COL24A1: variants seen among roughly 807,000 people sequenced by gnomAD.
COL24A1 encodes the protein collagen type XXIV alpha 1 chain.
In COL24A1, 224 loss-of-function variants were observed where a neutral mutation model predicts 253.9. The ratio of observed to expected loss-of-function variants is 0.88; its 90% CI spans 0.79 to 0.99. The LOEUF (loss-of-function observed/expected upper bound fraction) is 0.99, where lower values mean the gene tolerates loss of function less well. Among genes scored for constraint, COL24A1 ranks in the 50% least tolerant of loss-of-function variants. The pLI, the probability that COL24A1 is intolerant of heterozygous loss-of-function variation, is 0.00. For synonymous variants in COL24A1, 685 were observed against 673.7 expected, an observed-to-expected ratio of 1.02 and a Z score of -0.26; for missense variants, 2,131 against 2,068.5, an observed-to-expected ratio of 1.03 and a Z score of -0.59.
intron 12 of COL24A1, 116 bp from the exon 13 acceptor site, chr1:86,034,039 T>C (rs897886983): frequency 4.4e-6 from 3 of 681,824 alleles, no homozygotes; most frequent in African/African-American, 1.9e-5. Context: ...TAAACTGTAA[T>C]GCAACAAACA....
chr1:85,793,472 A>T (rs990527467), intron 47 of COL24A1, among the ~76,000 whole-genome samples: 1 of 151,940 alleles, frequency 6.6e-6, no homozygotes, highest in African/African-American at 2.4e-5. Flanking sequence ...AGAGAGAGAG[A>T]AGAGGAGGGA....
At chr1:85,985,638 G>T (rs952546559) in intron 20 of COL24A1, among the ~76,000 whole-genome samples, 1 of 151,748 alleles carries the variant, frequency 6.6e-6, no homozygotes, top group African/African-American at 2.4e-5. Context: ...AAAATAAAGG[G>T]TGCCTAACTA....
intron 18 of COL24A1, among the ~76,000 whole-genome samples, chr1:86,018,790 G>A (rs1364907344): frequency 6.6e-6 from 1 of 152,096 alleles, no homozygotes; most frequent in Non-Finnish European, 1.5e-5. Flanking sequence ...AAAATGGATA[G>A]GGCATAACAA....
At chr1:86,046,483 C>T (rs1450096442) in intron 12 of COL24A1, among the ~76,000 whole-genome samples, 1 of 152,148 alleles carries the variant, frequency 6.6e-6, no homozygotes, top group African/African-American at 2.4e-5. Flanking sequence ...TGAACCTCTA[C>T]AACATCTGGT....
intron 19 of COL24A1, among the ~76,000 whole-genome samples, chr1:86,014,714 T>C (rs180878585): frequency 1.2e-3 from 182 of 152,258 alleles, no homozygotes; most frequent in African/African-American, 4.1e-3. Flanking sequence ...CTCTTACAAT[T>C]GGAATGAACT....
intron 37 of COL24A1, 112 bp downstream of exon 37, chr1:85,868,407 C>T (rs1035126354): frequency 1.5e-6 from 1 of 656,306 alleles, no homozygotes; most frequent in Non-Finnish European, 2.6e-6. Flanking sequence ...TTCACATATA[C>T]AATTATCCAC....
intron 20 of COL24A1, among the ~76,000 whole-genome samples, chr1:85,978,202 A>T (rs1168717872): frequency 6.6e-6 from 1 of 152,194 alleles, no homozygotes; most frequent in Non-Finnish European, 1.5e-5. Context: ...CTACCAAGTC[A>T]GCACTACAAG....
chr1:86,054,844 A>C (rs1287237309), intron 10 of COL24A1, among the ~76,000 whole-genome samples: 1 of 152,186 alleles, frequency 6.6e-6, no homozygotes, highest in Non-Finnish European at 1.5e-5. Flanking sequence ...CTGCACTCAT[A>C]TGTTTATTGC....
Position 86,050,191 on chromosome 1 carries a change from A to AATAT in COL24A1, c.1852-15_1852-14insATAT. 6.2e-7 allele frequency: 1 copy of AATAT among 1,610,404 alleles called. No individual in the cohort carries two copies. The highest frequency in any genetic ancestry group is 8.5e-7 in the Non-Finnish European group (1 of 1,176,758). On this transcript the variant is annotated splice_polypyrimidine_tract_variant and intron_variant, in intron 10 of 59. Transcript: ENST00000370571. ...GCCAATAAAACCCTTAAAACAAGAA[A>AATAT]ATAGTCTGTATATTAGTTCATTTGA...
intron 47 of COL24A1, among the ~76,000 whole-genome samples, chr1:85,803,814 T>C (rs1410043053): frequency 2.6e-5 from 4 of 152,182 alleles, no homozygotes; most frequent in African/African-American, 9.6e-5. Context: ...ACTTCTTCTA[T>C]TCCAATCTAG....
At chr1:85,881,454 TA>T (rs1287784540) in intron 32 of COL24A1, among the ~76,000 whole-genome samples, 1 of 140,370 alleles carries the variant, frequency 7.1e-6, no homozygotes, top group Non-Finnish European at 1.6e-5. Context: ...CCATTTCTAC[TA>T]AAAATACAAA....
rs1665032073 is a variant in COL24A1 at position 85,744,789 on chromosome 1, T to G, written c.4549A>C (p.Ile1517Leu). 6.2e-7 allele frequency: 1 copy of G among 1,611,362 alleles called. No individual in the cohort carries two copies. ...EVTLIDHSEE[I>L]FKTLNYLSNL... ...CTAAGGTAGTTCAGGGTTTTGAATA[T>G]CTCTTCACTGTGGTCAATTAAAGTC... Residue 1517 changes from isoleucine (I) to leucine (L), a missense_variant, in exon 57 of 60, where the codon ATA becomes CTA. Coordinates refer to ENST00000370571, the MANE Select transcript of COL24A1 (RefSeq NM_152890.7).
At chr1:86,088,256 A>G (rs1246746121) in intron 7 of COL24A1, among the ~76,000 whole-genome samples, 4 of 152,202 alleles carry the variant, frequency 2.6e-5, no homozygotes, top group African/African-American at 9.6e-5. Context: ...TGAACGAAGC[A>G]ACCAGGGCCT....
At chr1:86,105,945 C>A (rs1337908725) in intron 5 of COL24A1, among the ~76,000 whole-genome samples, 1 of 152,168 alleles carries the variant, frequency 6.6e-6, no homozygotes, top group East Asian at 1.9e-4. Flanking sequence ...TCTGTGTCTT[C>A]CCTCTGTCCA....
rs1648323641 is a variant in COL24A1 at position 86,126,499 on chromosome 1, G to T, written c.122-285C>A. The stretch of plus-strand genomic sequence containing the variant: ...GTTTATTTATTATTTTAGAGACAGG[G>T]TTTCCATCTGTTACCCAGGCTGGAG... On this transcript the variant is annotated intron_variant, in intron 2 of 59. Coordinates refer to ENST00000370571, the MANE Select transcript of COL24A1 (RefSeq NM_152890.7). 2.0e-5 allele frequency among the ~76,000 whole-genome samples: 3 copies of T among 151,934 alleles called. 1 individual carries two copies. The South Asian group carries it at 6.2e-4, about 32-fold the overall frequency.
intron 24 of COL24A1, among the ~76,000 whole-genome samples, chr1:85,939,711 T>A (rs1185824299): frequency 6.6e-6 from 1 of 152,124 alleles, no homozygotes; most frequent in African/African-American, 2.4e-5. Context: ...TACCAAAAAA[T>A]TTCTTTAAGT....
At chr1:86,015,513 G>T (rs949147548) in intron 19 of COL24A1, among the ~76,000 whole-genome samples, 3 of 152,224 alleles carry the variant, frequency 2.0e-5, no homozygotes, top group Admixed American at 6.5e-5. Flanking sequence ...GAAGAAAAAT[G>T]ACTCAAAACC....
Position 86,126,166 on chromosome 1 carries a change from T to C in COL24A1, c.170A>G (p.His57Arg). The change falls in exon 3 of 60, where the codon CAC becomes CGC. Residue 57 changes from histidine (H) to arginine (R), a missense_variant. His to Arg is a conservative substitution (Grantham distance 29). Transcript: ENST00000370571. ...TGGTACAGCAGTCGCTGGTGATGAGTGTCTTACGTCTTTGCCTCCAAGGCC... is the reference window on the plus strand; with the variant it reads ...TGGTACAGCAGTCGCTGGTGATGAGCGTCTTACGTCTTTGCCTCCAAGGCC... ...QLGLGGKDVR[H>R]SSPATAVPSA... is the part of the protein sequence containing the mutation. The C allele has an allele frequency of 6.2e-7, 1 of 1,607,118 alleles. No homozygotes were observed. The highest frequency in any genetic ancestry group is 8.5e-7 in the Non-Finnish European group (1 of 1,179,506).
At chr1:86,133,628 C>T (rs1375816100) in intron 2 of COL24A1, among the ~76,000 whole-genome samples, 6 of 152,024 alleles carry the variant, frequency 3.9e-5, no homozygotes, top group African/African-American at 7.2e-5. Flanking sequence ...TCGTCATTGG[C>T]TCTGTTTATA....
Sources: gnomAD v4.1 joint callset for allele counts (sites outside exome capture counted in the v4.1 genomes callset) on GRCh38, gnomAD v4.1.1 for gene constraint, MANE v1.5 for transcripts, NCBI Gene and HGNC (gene_info 2026-07-23, HGNC 2026-07-21) for gene names.